NPAT: variants seen among roughly 807,000 people sequenced by gnomAD.
The protein encoded by NPAT is nuclear protein, coactivator of histone transcription, also known as protein NPAT.
A neutral mutation model predicts 130.7 loss-of-function variants in NPAT; 52 were observed. That is an observed-to-expected ratio of 0.40 (90% CI 0.32 to 0.50). The LOEUF (loss-of-function observed/expected upper bound fraction) is 0.50. Ranked by LOEUF, NPAT falls within the 20% of genes least tolerant of loss-of-function variation. The pLI, the probability that NPAT is intolerant of heterozygous loss-of-function variation, is 0.68. For missense variants in NPAT, 1,687 were observed against 1,662.6 expected, an observed-to-expected ratio of 1.01 and a Z score of -0.26; for synonymous variants, 580 against 584.8, an observed-to-expected ratio of 0.99 and a Z score of 0.12.
chr11:108,175,931 A>G (rs904667919), intron 12 of NPAT, among the ~76,000 whole-genome samples: 5 of 152,160 alleles, frequency 3.3e-5, no homozygotes, highest in Non-Finnish European at 7.4e-5. Flanking sequence ...AAGTGCTGGG[A>G]GCATCGTTTG....
chr11:108,170,159 T>C (rs1242689690), intron 13 of NPAT, 116 bp from the exon 14 acceptor site: 4 of 705,298 alleles, frequency 5.7e-6, no homozygotes, highest in Admixed American at 2.1e-5. Flanking sequence ...GAACAATCCC[T>C]CTTCCTTACG....
In NPAT at chr11:108,176,290, T is replaced by C. The variant is rs2078005204; in HGVS notation, c.1088A>G (p.Glu363Gly). 2 of 1,587,146 alleles carry C rather than the reference T, an allele frequency of 1.3e-6. No individual in the cohort carries two copies. Among genetic ancestry groups the C allele is most frequent in the African/African-American group, 2.7e-5 (2 of 74,524 alleles). The part of the protein sequence containing the change: ...ESNPSIVLAD[E>G]TNLAVKGSFE... The stretch of plus-strand genomic sequence containing the variant: ...AGAACCTTTAACTGCTAGATTAGTT[T>C]CATCTGCTAAGACTATACTGGGATT... The change falls in exon 12 of 18, where the codon GAA becomes GGA. Residue 363 changes from glutamate to glycine, a missense_variant. Around this residue, in one of 3 missense-constraint regions of NPAT, gnomAD observed 1,379 missense variants for 1,346.6 expected, o/e 1.02. Coordinates refer to ENST00000278612, the MANE Select transcript of NPAT (RefSeq NM_002519.3).
At chr11:108,164,874 G>C (rs368573958) in intron 15 of NPAT, among the ~76,000 whole-genome samples, 77 of 152,268 alleles carry the variant, frequency 5.1e-4, no homozygotes, top group African/African-American at 1.7e-3. Context: ...AGCTGGGCAT[G>C]GTGATGCGTG....
chr11:108,217,534 T>C (rs556185220), intron 1 of NPAT, among the ~76,000 whole-genome samples: 2 of 152,302 alleles, frequency 1.3e-5, no homozygotes, highest in Non-Finnish European at 2.9e-5. Flanking sequence ...ATTGAACCTA[T>C]TAAATTAGGC....
rs2077810920 is a variant in NPAT at position 108,157,858 on chromosome 11, C to G, written c.*1084G>C. ...AATACAGAGAAGGCACCTCTCTCAT[C>G]TCTCACTCTCCTTAAGGACCTTTTG... On this transcript the variant is annotated 3_prime_UTR_variant, in exon 18 of 18. Transcript: ENST00000278612. The G allele has an allele frequency of 6.6e-6, 1 of 152,536 alleles. No homozygotes were observed. Among genetic ancestry groups the G allele is most frequent in the African/African-American group, 2.4e-5 (1 of 41,436 alleles). The allele number at this position is 152,536 out of a possible 1,614,324, so 9.4% of individuals were successfully genotyped here. A position where few individuals can be genotyped will look rare whatever the true frequency, so the allele number is the denominator to read the frequency against.
In NPAT at chr11:108,189,194, C is replaced by T. The variant is rs754833934; in HGVS notation, c.468G>A (p.Gln156=). 11 of 1,614,150 alleles carry T rather than the reference C, an allele frequency of 6.8e-6. No homozygotes were observed. In the South Asian group the frequency reaches 1.2e-4, roughly 18 times the overall value. The change falls in exon 6 of 18, where the codon CAG becomes CAA. Residue 156 remains glutamine (Q), a synonymous_variant. Transcript: ENST00000278612. ...AAATTTGGCCACTTGGTCGAGTAAC[C>T]TGTGTACCTGTGGAAGGAGGAGTGG... The part of the protein sequence containing the change: ...QFTTPPSTGT[Q]VTRPSGQISD...
At chr11:108,190,857 G>A (rs1165566182) in intron 4 of NPAT, among the ~76,000 whole-genome samples, 1 of 152,184 alleles carries the variant, frequency 6.6e-6, no homozygotes, top group Non-Finnish European at 1.5e-5. Flanking sequence ...AGGATCACTT[G>A]AGGCCGAGAG....
rs1188804358 is a variant in NPAT, at chr11:108,183,703, G to A, written c.906+1529C>T. Among the ~76,000 whole-genome samples the A allele has an allele frequency of 3.9e-5, 6 of 152,320 alleles. No individual in the cohort carries two copies. The South Asian group carries it at 1.0e-3, about 26-fold the overall frequency. ...TATAATCCCAGCTACTTGGGAAGCT[G>A]AGGCAGGAGAATCGTTTGAACTCAG... On this transcript the variant is annotated intron_variant, in intron 10 of 17. Coordinates refer to ENST00000278612, the MANE Select transcript of NPAT (RefSeq NM_002519.3).
intron 10 of NPAT, among the ~76,000 whole-genome samples, 174 bp downstream of exon 10, chr11:108,185,058 T>C (rs534250150): frequency 1.3e-5 from 2 of 152,248 alleles, no homozygotes; most frequent in Non-Finnish European, 2.9e-5. Flanking sequence ...AGGAACAGAC[T>C]GCATTCAATG....
intron 1 of NPAT, among the ~76,000 whole-genome samples, chr11:108,220,867 G>C (rs934942986): frequency 4.6e-5 from 7 of 152,222 alleles, no homozygotes; most frequent in African/African-American, 1.7e-4. Context: ...GAGGACAACT[G>C]TCTGGGAAGC....
chr11:108,217,632 TAACAGGAA>T (rs1661547902), intron 1 of NPAT, among the ~76,000 whole-genome samples: 1 of 152,180 alleles, frequency 6.6e-6, no homozygotes, highest in Admixed American at 6.5e-5. Flanking sequence ...CTCAGTCAGG[TAACAGGAA>T]ATTTTAGGCA....
chr11:108,164,023 TAGAA>T (rs1380227307), intron 15 of NPAT, among the ~76,000 whole-genome samples: 1 of 152,196 alleles, frequency 6.6e-6, no homozygotes, highest in African/African-American at 2.4e-5. Context: ...GCATTAACCT[TAGAA>T]AGAATGAAGG....
intron 10 of NPAT, among the ~76,000 whole-genome samples, chr11:108,179,850 A>T (rs2134848208): frequency 6.6e-6 from 1 of 152,272 alleles, no homozygotes; most frequent in African/African-American, 2.4e-5. Flanking sequence ...CATGAGGTTA[A>T]ACAGCCCATG....
chr11:108,210,023 A>G (rs2078369800), intron 1 of NPAT, among the ~76,000 whole-genome samples: 1 of 151,808 alleles, frequency 6.6e-6, no homozygotes, highest in Non-Finnish European at 1.5e-5. Flanking sequence ...AATAAAAACA[A>G]AAGCTAGTTC....
At chr11:108,221,496 C>T (rs1287935966) in intron 1 of NPAT, among the ~76,000 whole-genome samples, 1 of 152,208 alleles carries the variant, frequency 6.6e-6, no homozygotes. Flanking sequence ...TTTAACGTTT[C>T]CTGCAAAATG....
chr11:108,213,012 T>A (rs960811371), intron 1 of NPAT, among the ~76,000 whole-genome samples: 2 of 143,104 alleles, frequency 1.4e-5, no homozygotes, highest in African/African-American at 5.2e-5. Context: ...TGGTGGCTCA[T>A]GCCTATAATC....
chr11:108,164,523 G>A (rs779991361), intron 15 of NPAT, among the ~76,000 whole-genome samples: 38 of 152,228 alleles, frequency 2.5e-4, no homozygotes, highest in Non-Finnish European at 4.4e-4. Context: ...GAAGACACAA[G>A]TTCAGGTAAA....
chr11:108,221,981 G>GT (rs1202216586), intron 1 of NPAT, among the ~76,000 whole-genome samples: 1 of 152,166 alleles, frequency 6.6e-6, no homozygotes, highest in Non-Finnish European at 1.5e-5. Context: ...ACTGGACGAC[G>GT]TATTGCGTGG....
rs531613589 is a variant in NPAT at position 108,188,841 on chromosome 11, C to T, written c.556+265G>A. 7.9e-5 allele frequency among the ~76,000 whole-genome samples: 12 copies of T among 152,222 alleles called. No homozygotes were observed. The East Asian group carries it at 1.9e-3, about 24-fold the overall frequency. On this transcript the variant is annotated intron_variant, in intron 6 of 17. Transcript: ENST00000278612. ...TTCCATTTAAAATCAAATACAACAG[C>T]TTCTTTTTCTCTTAATGCCAAAAAT...
Sources: allele counts gnomAD v4.1 joint callset (sites outside exome capture counted in the v4.1 genomes callset), GRCh38; gene constraint gnomAD v4.1.1; regional missense constraint gnomAD v4.1.1; transcripts MANE v1.5; gene names NCBI Gene and HGNC (gene_info 2026-07-23, HGNC 2026-07-21).